Variants in MBNL2 observed in about 807,000 individuals in gnomAD.
MBNL2 encodes muscleblind like splicing regulator 2.
Under a neutral mutation model 41.9 loss-of-function variants are expected in MBNL2, and 17 were observed. That is an observed-to-expected ratio of 0.41 (90% CI 0.28 to 0.61). The LOEUF is 0.61. MBNL2 is among the 20% of genes least tolerant of loss of function. The pLI is 0.35. For synonymous variants in MBNL2, 195 were observed against 182.9 expected (o/e 1.07, Z -0.53); for missense variants, 336 against 505.6 (o/e 0.66, Z 3.22).
chr13:97,233,268 T>C (rs927508420), intron 1 of MBNL2, among the ~76,000 whole-genome samples: 1 of 145,034 alleles, frequency 6.9e-6, no homozygotes, highest in Non-Finnish European at 1.5e-5. Context: ...GTGCTGCACC[T>C]ATTAACTCGT....
chr13:97,346,465 A>C lies in MBNL2; in HGVS notation c.541-339A>C, dbSNP rs1259331168. Among the ~76,000 whole-genome samples the C allele has an allele frequency of 6.6e-6, 1 of 152,092 alleles. No homozygotes were observed. Among genetic ancestry groups the C allele is most frequent in the Non-Finnish European group, 1.5e-5 (1 of 67,966 alleles). ...AGATGATAGATATATGGATGGATGGATAGACAGACAGACAGATCGATAGAC... is the reference window on the plus strand; with the variant it reads ...AGATGATAGATATATGGATGGATGGCTAGACAGACAGACAGATCGATAGAC... On this transcript the variant is annotated intron_variant, in intron 4 of 8. Transcript: ENST00000679496. This position sits in a 1 kb window ranked among gnomAD's most constrained non-coding sequence, Gnocchi z 4.2.
At chr13:97,154,792 A>AGGATGGAT in the MBNL2 span, among the ~76,000 whole-genome samples, 14,025 of 146,174 alleles carry the variant, frequency 0.096, 729 homozygotes, top group East Asian at 0.13. Context: ...AAATGGTATA[A>AGGATGGAT]GGATGGATGG....
the MBNL2 span, among the ~76,000 whole-genome samples, chr13:97,215,118 G>A: frequency 1.1e-4 from 16 of 152,336 alleles, no homozygotes; most frequent in South Asian, 3.1e-3. Flanking sequence ...CACAGCTTAA[G>A]GGCTGGGCAT....
chr13:97,186,573 G>T, the MBNL2 span, among the ~76,000 whole-genome samples: 2 of 152,052 alleles, frequency 1.3e-5, no homozygotes, highest in Non-Finnish European at 2.9e-5. Context: ...ATTAAAATTG[G>T]TTGATCAATT....
chr13:97,169,412 A>G, the MBNL2 span, among the ~76,000 whole-genome samples: 2 of 152,344 alleles, frequency 1.3e-5, no homozygotes, highest in South Asian at 4.1e-4. Flanking sequence ...AGGGCTTGAA[A>G]AATGGATGGT....
upstream of MBNL2, among the ~76,000 whole-genome samples, chr13:97,219,305 G>T (rs2040666314): frequency 6.6e-6 from 1 of 152,224 alleles, no homozygotes; most frequent in Non-Finnish European, 1.5e-5. Flanking sequence ...CTCTGGCTAA[G>T]CTAGAGAAGC....
At chr13:97,291,911 A>AG (rs1429992486) in intron 2 of MBNL2, among the ~76,000 whole-genome samples, 1 of 127,272 alleles carries the variant, frequency 7.9e-6, no homozygotes, top group Non-Finnish European at 1.6e-5. Flanking sequence ...AAAAAAAAAA[A>AG]AAAAAAGTGG....
chr13:97,324,039 G>C (rs1181340494), intron 2 of MBNL2, among the ~76,000 whole-genome samples: 1 of 151,776 alleles, frequency 6.6e-6, no homozygotes, highest in East Asian at 1.9e-4. Flanking sequence ...TGTTTTTCTT[G>C]TACCCATTAA....
chr13:97,308,024 C>G (rs977531663), intron 2 of MBNL2, among the ~76,000 whole-genome samples: 1 of 152,206 alleles, frequency 6.6e-6, no homozygotes, highest in Non-Finnish European at 1.5e-5. Flanking sequence ...TTGATAACAA[C>G]CCATTTTGAG....
At chr13:97,236,308 G>A (rs2152799872) in intron 1 of MBNL2, among the ~76,000 whole-genome samples, 1 of 152,258 alleles carries the variant, frequency 6.6e-6, no homozygotes, top group South Asian at 2.1e-4. Flanking sequence ...AGGCTGTCCT[G>A]GCCAGAACGA....
At chr13:97,159,910 G>T in the MBNL2 span, among the ~76,000 whole-genome samples, 1 of 151,628 alleles carries the variant, frequency 6.6e-6, no homozygotes, top group Non-Finnish European at 1.5e-5. Flanking sequence ...TCTTTGTGGC[G>T]TTCTCTGTAT....
chr13:97,278,507 C>A (rs1411867724), intron 2 of MBNL2, among the ~76,000 whole-genome samples: 2 of 152,020 alleles, frequency 1.3e-5, no homozygotes, highest in African/African-American at 4.8e-5. Context: ...CTTATTAAGG[C>A]CAAGTATTTT....
chr13:97,274,867 C>T (rs555515574), intron 1 of MBNL2, among the ~76,000 whole-genome samples: 9 of 152,168 alleles, frequency 5.9e-5, no homozygotes, highest in Admixed American at 2.0e-4. Context: ...TACTACAGAG[C>T]GTTTTTAGAT....
intron 1 of MBNL2, among the ~76,000 whole-genome samples, chr13:97,233,583 C>G: frequency 6.6e-6 from 1 of 151,906 alleles, no homozygotes; most frequent in East Asian, 1.9e-4. Flanking sequence ...GGAAACCAAT[C>G]ATTTGAAGCC....
chr13:97,188,432 C>T, the MBNL2 span, among the ~76,000 whole-genome samples: 1 of 152,174 alleles, frequency 6.6e-6, no homozygotes, highest in Non-Finnish European at 1.5e-5. Flanking sequence ...GATACACCGG[C>T]TCTCCTTTTC....
chr13:97,218,409 CA>C (rs1182631555), upstream of MBNL2, among the ~76,000 whole-genome samples: 1 of 47,302 alleles, frequency 2.1e-5, no homozygotes, highest in Non-Finnish European at 4.2e-5. Context: ...GACTCTGTCT[CA>C]AAAAAAAACA....
upstream of MBNL2, among the ~76,000 whole-genome samples, chr13:97,216,690 C>A (rs931834888): frequency 6.6e-6 from 1 of 152,132 alleles, no homozygotes; most frequent in Non-Finnish European, 1.5e-5. Context: ...TGATTTTAAA[C>A]ATCATCAAAC....
the MBNL2 span, among the ~76,000 whole-genome samples, chr13:97,171,477 T>C: frequency 6.6e-6 from 1 of 152,174 alleles, no homozygotes; most frequent in African/African-American, 2.4e-5. Flanking sequence ...AAAAATTTTT[T>C]TGAAGCTACC....
At chr13:97,189,624 GTAAA>G in the MBNL2 span, among the ~76,000 whole-genome samples, 1 of 152,170 alleles carries the variant, frequency 6.6e-6, no homozygotes, top group Non-Finnish European at 1.5e-5. Flanking sequence ...GAGCATATAT[GTAAA>G]TATGTATGTG....
Sources: allele counts gnomAD v4.1 joint callset (sites outside exome capture counted in the v4.1 genomes callset), GRCh38; gene constraint gnomAD v4.1.1; non-coding constraint Gnocchi (gnomAD v3.1); transcripts MANE v1.5; gene names NCBI Gene and HGNC (gene_info 2026-07-23, HGNC 2026-07-21).